TMEM38B: variants seen among roughly 807,000 people sequenced by gnomAD.
The protein encoded by TMEM38B is transmembrane protein 38B.
In TMEM38B, 24 loss-of-function variants were observed where a neutral mutation model predicts 28.7. The observed-to-expected ratio is 0.84, with a 90% CI of 0.61 to 1.18. The LOEUF is 1.18. Among genes scored for constraint, TMEM38B ranks in the 50% most tolerant of loss-of-function variants. The pLI is 0.00. For missense variants in TMEM38B, 380 were observed against 350.9 expected (o/e 1.08, Z -0.66); for synonymous variants, 131 against 127.7 (o/e 1.03, Z -0.17).
chr9:105,738,329 A>G (rs953817442), intron 4 of TMEM38B, among the ~76,000 whole-genome samples: 9 of 152,044 alleles, frequency 5.9e-5, no homozygotes, highest in African/African-American at 1.7e-4. Context: ...CCTGGTTTCA[A>G]GCTGACCCTG....
At chr9:105,698,452 T>A (rs1267198877) in intron 1 of TMEM38B, among the ~76,000 whole-genome samples, 1 of 152,170 alleles carries the variant, frequency 6.6e-6, no homozygotes, top group African/African-American at 2.4e-5. Context: ...AGGTGACATA[T>A]TTTATCAAGT....
intron 2 of TMEM38B, among the ~76,000 whole-genome samples, chr9:105,709,720 G>T (rs1835826070): frequency 6.6e-6 from 1 of 152,236 alleles, no homozygotes; most frequent in Admixed American, 6.5e-5. Context: ...AGTTAAGGAA[G>T]ATGTAAACTG....
chr9:105,696,232 C>A (rs1835283557), intron 1 of TMEM38B, among the ~76,000 whole-genome samples: 1 of 152,176 alleles, frequency 6.6e-6, no homozygotes, highest in African/African-American at 2.4e-5. Flanking sequence ...TGATTCTTCT[C>A]ACTAAATGTT....
chr9:105,747,980 C>A, intron 4 of TMEM38B, 93 bp from the exon 5 acceptor site: 1 of 791,106 alleles, frequency 1.3e-6, no homozygotes, highest in South Asian at 1.6e-5. Flanking sequence ...TATTAATAAC[C>A]CATTAAGTTA....
intron 5 of TMEM38B, chr9:105,759,544 G>T: frequency 6.4e-7 from 1 of 1,561,690 alleles, no homozygotes; most frequent in South Asian, 1.1e-5. Flanking sequence ...TGGTATGCAT[G>T]ATCTGTCCTC....
intron 1 of TMEM38B, chr9:105,701,154 A>T (rs1835449295): frequency 1.3e-5 from 2 of 152,198 alleles, no homozygotes; most frequent in South Asian, 4.1e-4. Flanking sequence ...AACCTAGTTA[A>T]CAATTTTATA....
In TMEM38B at chr9:105,748,146, C is replaced by T. The variant is rs764595500; in HGVS notation, c.616C>T (p.His206Tyr). The T allele has an allele frequency of 1.2e-6, 2 of 1,613,528 alleles. No individual in the cohort carries two copies. Among genetic ancestry groups the T allele is most frequent in the African/African-American group, 1.3e-5 (1 of 75,002 alleles). ...QHTQHLAISK[H>Y]NLMFLYTIFI... is the part of the protein sequence containing the mutation. ...CACCCAGCATCTGGCAATATCAAAG[C>T]ATAATCTTATGTTCCTTTATACCAT... Residue 206 changes from histidine to tyrosine, a missense_variant, in exon 5 of 6, where the codon CAT becomes TAT. His to Tyr is a moderately conservative substitution (Grantham distance 83). Transcript: ENST00000374692.
At chr9:105,739,963 C>T (rs1837134903) in intron 4 of TMEM38B, among the ~76,000 whole-genome samples, 1 of 150,800 alleles carries the variant, frequency 6.6e-6, no homozygotes, top group Non-Finnish European at 1.5e-5. Flanking sequence ...GCTTACTGCA[C>T]CCTCTGCCTT....
At chr9:105,760,658 C>T in intron 5 of TMEM38B, 1 of 936,026 alleles carries the variant, frequency 1.1e-6, no homozygotes, top group Non-Finnish European at 1.8e-6. Flanking sequence ...AGATTTCCAA[C>T]CACGGAGATT....
intron 4 of TMEM38B, among the ~76,000 whole-genome samples, chr9:105,740,784 G>A (rs1837174789): frequency 6.6e-6 from 1 of 152,026 alleles, no homozygotes; most frequent in South Asian, 2.1e-4. Context: ...TGGAAAATTT[G>A]GGGAAATGTT....
chr9:105,704,928 TAA>T (rs771753189), intron 1 of TMEM38B, among the ~76,000 whole-genome samples: 2 of 141,444 alleles, frequency 1.4e-5, no homozygotes, highest in Admixed American at 7.1e-5. Flanking sequence ...TATCTCAAAG[TAA>T]AAAAAAAAAA....
intron 5 of TMEM38B, among the ~76,000 whole-genome samples, chr9:105,752,572 G>A (rs1021277667): frequency 6.6e-5 from 10 of 152,186 alleles, no homozygotes; most frequent in South Asian, 2.1e-4. Flanking sequence ...TCAGCAAACC[G>A]CAGCAACCCT....
intron 2 of TMEM38B, among the ~76,000 whole-genome samples, 178 bp downstream of exon 2, chr9:105,705,931 C>A (rs1433174370): frequency 1.4e-5 from 2 of 147,382 alleles, no homozygotes; most frequent in African/African-American, 5.0e-5. Flanking sequence ...GACGGAGTCT[C>A]ACTCTGTTGC....
Position 105,736,264 on chromosome 9 carries a change from C to G in TMEM38B, c.543-11809C>G, listed in dbSNP as rs539936572. 5.8e-4 allele frequency among the ~76,000 whole-genome samples: 88 copies of G among 152,172 alleles called. 1 individual carries two copies. Among genetic ancestry groups the G allele is most frequent in the Non-Finnish European group, 9.7e-4 (66 of 67,998 alleles). ...GAAAATTTGTTTGCCAGATAGTGTCCTATAAGTCCCATAGGCTTTCTTTAC... is the reference window on the plus strand; with the variant it reads ...GAAAATTTGTTTGCCAGATAGTGTCGTATAAGTCCCATAGGCTTTCTTTAC... On this transcript the variant is annotated intron_variant, in intron 4 of 5. Transcript: ENST00000374692.
chr9:105,769,742 A>G (rs1178831985), intron 5 of TMEM38B, among the ~76,000 whole-genome samples: 1 of 152,106 alleles, frequency 6.6e-6, no homozygotes, highest in Non-Finnish European at 1.5e-5. Flanking sequence ...CTAGCTCTGT[A>G]AAAAACCATG....
At chr9:105,770,417 T>G (rs929639810) in intron 5 of TMEM38B, among the ~76,000 whole-genome samples, 1 of 152,150 alleles carries the variant, frequency 6.6e-6, no homozygotes, top group Admixed American at 6.5e-5. Flanking sequence ...TTTATTTAAT[T>G]ATTCCACACT....
chr9:105,742,374 T>C (rs1837239473), intron 4 of TMEM38B, among the ~76,000 whole-genome samples: 1 of 152,224 alleles, frequency 6.6e-6, no homozygotes, highest in Admixed American at 6.5e-5. Context: ...TGAATCCTAA[T>C]GGAATTTGCC....
At chr9:105,773,413 T>A (rs755138006) in intron 5 of TMEM38B, among the ~76,000 whole-genome samples, 3 of 152,144 alleles carry the variant, frequency 2.0e-5, no homozygotes, top group Admixed American at 1.3e-4. Context: ...TTACCACTTA[T>A]TAGCTTTGTG....
chr9:105,741,910 G>A (rs374959146), intron 4 of TMEM38B, among the ~76,000 whole-genome samples: 41 of 152,320 alleles, frequency 2.7e-4, no homozygotes, highest in African/African-American at 8.9e-4. Context: ...TAGTGTTGAA[G>A]GGATTGGATG....
Sources: gnomAD v4.1 joint callset for allele counts (sites outside exome capture counted in the v4.1 genomes callset) on GRCh38, gnomAD v4.1.1 for gene constraint, MANE v1.5 for transcripts, NCBI Gene and HGNC (gene_info 2026-07-23, HGNC 2026-07-21) for gene names.